Variants in GUCY1A2 observed in about 807,000 individuals in gnomAD.
GUCY1A2 encodes the protein guanylate cyclase 1 soluble subunit alpha 2.
GUCY1A2 carries 27 observed loss-of-function variants against 63.5 expected under a neutral mutation model. The ratio of observed to expected loss-of-function variants is 0.43; its 90% CI spans 0.31 to 0.59. The LOEUF is 0.59. Ranked by LOEUF, GUCY1A2 falls within the 20% of genes least tolerant of loss-of-function variation. The pLI, the probability that GUCY1A2 is intolerant of heterozygous loss-of-function variation, is 0.11. For synonymous variants in GUCY1A2, 364 were observed against 343.5 expected, an observed-to-expected ratio of 1.06 and a Z score of -0.66; for missense variants, 768 against 913.3, an observed-to-expected ratio of 0.84 and a Z score of 2.05.
At chr11:106,746,122 C>A (rs1339192955) in intron 6 of GUCY1A2, among the ~76,000 whole-genome samples, 1 of 151,762 alleles carries the variant, frequency 6.6e-6, no homozygotes, top group Non-Finnish European at 1.5e-5. Flanking sequence ...CCACTGGAAT[C>A]TGGGGAGCAT....
chr11:106,708,543 G>C lies in GUCY1A2; in HGVS notation c.1960C>G (p.Arg654Gly), dbSNP rs764594827. 1.1e-5 allele frequency: 17 copies of C among 1,612,572 alleles called. No individual in the cohort carries two copies. The highest frequency in any genetic ancestry group is 6.7e-5 in the East Asian group (3 of 44,772). The part of the protein sequence containing the change: ...ASKFESGSHP[R>G]RINVSPTTYQ... ...GTGGTTGGGCTGACATTGATGCGCC[G>C]AGGGTGACTTCCCGACTCGAATTTG... The change falls in exon 7 of 8, where the codon CGG becomes GGG. Residue 654 changes from arginine to glycine, a missense_variant. By Grantham distance (125) the Arg-to-Gly change is moderately radical. Transcript: ENST00000526355.
chr11:106,747,117 A>G (rs1863802714), intron 6 of GUCY1A2, among the ~76,000 whole-genome samples: 1 of 152,034 alleles, frequency 6.6e-6, no homozygotes, highest in Non-Finnish European at 1.5e-5. Flanking sequence ...CCTCCCAAAT[A>G]GCTCGGACTA....
chr11:107,007,403 G>A (rs1468483814), intron 1 of GUCY1A2, among the ~76,000 whole-genome samples: 1 of 152,020 alleles, frequency 6.6e-6, no homozygotes, highest in Non-Finnish European at 1.5e-5. Context: ...AAATGTCTTT[G>A]GATTATTGCA....
intron 4 of GUCY1A2, among the ~76,000 whole-genome samples, chr11:106,904,297 G>A (rs1355089088): frequency 1.3e-5 from 2 of 152,078 alleles, no homozygotes; most frequent in Non-Finnish European, 2.9e-5. Context: ...TACTGAAAGT[G>A]TTTATCATAA....
In GUCY1A2 at chr11:106,809,997, T is replaced by C. The variant is rs1858742947; in HGVS notation, c.1688A>G (p.Tyr563Cys). ...FDHQCGFLDI[Y>C]KVETIGDAYC... Reference sequence around the variant, plus strand: ...TAAGTAACTAAACTCCCTTACCTTATAAATATCCAAAAATCCACACTGGTG... The same window carrying C: ...TAAGTAACTAAACTCCCTTACCTTACAAATATCCAAAAATCCACACTGGTG... The change falls in exon 5 of 8, where the codon TAT becomes TGT. Residue 563 changes from tyrosine (Y) to cysteine (C), a missense_variant. This residue lies in a region of GUCY1A2 where 122 missense variants were observed against 238.1 expected (regional missense o/e 0.51). Coordinates refer to ENST00000526355, the MANE Select transcript of GUCY1A2 (RefSeq NM_000855.3). The C allele has an allele frequency of 6.3e-7, 1 of 1,595,166 alleles. No individual in the cohort carries two copies. The highest frequency in any genetic ancestry group is 1.7e-5 in the Admixed American group (1 of 59,638).
chr11:106,748,595 C>G (rs888472609), intron 6 of GUCY1A2, among the ~76,000 whole-genome samples: 1 of 152,144 alleles, frequency 6.6e-6, no homozygotes, highest in South Asian at 2.1e-4. Context: ...AAATCTAGAA[C>G]CATGGTACAC....
At chr11:106,718,348 A>G (rs1410833093) in intron 6 of GUCY1A2, among the ~76,000 whole-genome samples, 1 of 152,084 alleles carries the variant, frequency 6.6e-6, no homozygotes, top group East Asian at 1.9e-4. Context: ...TCTTGTTTAC[A>G]TTTTCTGATG....
At chr11:106,811,747 T>C (rs1858764665) in intron 4 of GUCY1A2, among the ~76,000 whole-genome samples, 1 of 152,104 alleles carries the variant, frequency 6.6e-6, no homozygotes, top group Non-Finnish European at 1.5e-5. Context: ...ATGTAAAATT[T>C]CTGCTAAAGT....
chr11:106,730,059 A>AATAT (rs60486225), intron 6 of GUCY1A2, among the ~76,000 whole-genome samples: 4,062 of 103,000 alleles, frequency 0.039, 84 homozygotes, highest in Non-Finnish European at 0.043. Context: ...ATCAGCATGG[A>AATAT]ATATATATAT....
At chr11:106,795,375 A>G (rs1864737396) in intron 5 of GUCY1A2, among the ~76,000 whole-genome samples, 1 of 152,208 alleles carries the variant, frequency 6.6e-6, no homozygotes, top group South Asian at 2.1e-4. Flanking sequence ...TGGTAAGGGA[A>G]AAAGAGAGAA....
At chr11:106,854,860 G>A (rs574393495) in intron 4 of GUCY1A2, among the ~76,000 whole-genome samples, 2 of 152,230 alleles carry the variant, frequency 1.3e-5, no homozygotes, top group South Asian at 4.1e-4. Context: ...AAGGCTCTGG[G>A]GAGTATCAGT....
At chr11:106,705,385 C>T (rs1274363635) in intron 7 of GUCY1A2, among the ~76,000 whole-genome samples, 1 of 152,112 alleles carries the variant, frequency 6.6e-6, no homozygotes, top group Non-Finnish European at 1.5e-5. Flanking sequence ...CCCATTCTTT[C>T]TTTGGAATTT....
intron 6 of GUCY1A2, among the ~76,000 whole-genome samples, chr11:106,735,948 C>T (rs1446780974): frequency 1.3e-5 from 2 of 152,058 alleles, no homozygotes; most frequent in Non-Finnish European, 2.9e-5. Flanking sequence ...AGTGTCTATT[C>T]AGATCTTTTA....
At chr11:106,826,287 T>A in intron 4 of GUCY1A2, 1 of 855,888 alleles carries the variant, frequency 1.2e-6, no homozygotes, top group Non-Finnish European at 1.8e-6. Context: ...CTTCTGTAAT[T>A]TTCAGTGTGG....
In GUCY1A2 at chr11:106,681,128, C is replaced by G. The variant is rs148896871; in HGVS notation, c.*6421G>C. On this transcript the variant is annotated 3_prime_UTR_variant, in exon 8 of 8. Transcript: ENST00000526355. Reference sequence around the variant, plus strand: ...AAATCTGAAAGCTTTAGTGTTTTTTCAGTATTACTGAATAATCATTTTCAG... The same window carrying G: ...AAATCTGAAAGCTTTAGTGTTTTTTGAGTATTACTGAATAATCATTTTCAG... 2.3e-4 allele frequency: 49 copies of G among 211,868 alleles called. 1 individual carries two copies. The highest frequency in any genetic ancestry group is 9.7e-4 in the African/African-American group (43 of 44,286). The allele number at this position is 211,868 out of a possible 1,614,324, so 13.1% of individuals were successfully genotyped here. A position where few individuals can be genotyped will look rare whatever the true frequency, so the allele number is the denominator to read the frequency against.
rs1864813215 is a variant in GUCY1A2, at chr11:106,798,715, C to T, written c.1692+11278G>A. On this transcript the variant is annotated intron_variant, in intron 5 of 7. Transcript: ENST00000526355. ...AAAGGCCTTTGACAAAATTCAACAG[C>T]CCTTCATGCTAAAAACTCTCAATAA... Among the ~76,000 whole-genome samples, 4 of 152,052 alleles carry T rather than the reference C, an allele frequency of 2.6e-5. No homozygotes were observed. In the South Asian group the frequency reaches 8.3e-4, roughly 32 times the overall value.
intron 4 of GUCY1A2, among the ~76,000 whole-genome samples, chr11:106,856,699 T>C (rs1285580610): frequency 6.6e-6 from 1 of 152,166 alleles, no homozygotes; most frequent in Non-Finnish European, 1.5e-5. Context: ...TTAATCTATG[T>C]CCCTGGGGTA....
In GUCY1A2 at chr11:106,684,395, A is replaced by G. The variant is rs189687995; in HGVS notation, c.*3154T>C. 31 of 192,108 alleles carry G rather than the reference A, an allele frequency of 1.6e-4. No homozygotes were observed. The East Asian group carries it at 2.5e-3, about 15-fold the overall frequency. 11.9% of individuals were successfully genotyped at this position (192,108 alleles called of 1,614,324 possible). A position where few individuals can be genotyped will look rare whatever the true frequency, so the allele number is the denominator to read the frequency against. On this transcript the variant is annotated 3_prime_UTR_variant, in exon 8 of 8. Coordinates refer to ENST00000526355, the MANE Select transcript of GUCY1A2 (RefSeq NM_000855.3). ...ATGTCTTCTTCCCCTTCTCTACGTT[A>G]TATAGACAAGAGATCCAACTACTAT...
At chr11:106,877,512 T>C (rs1859766453) in intron 4 of GUCY1A2, among the ~76,000 whole-genome samples, 1 of 151,986 alleles carries the variant, frequency 6.6e-6, no homozygotes, top group African/African-American at 2.4e-5. Context: ...CTATCTGACC[T>C]TCAACCAAGG....
Sources: allele counts gnomAD v4.1 joint callset (sites outside exome capture counted in the v4.1 genomes callset), GRCh38; gene constraint gnomAD v4.1.1; regional missense constraint gnomAD v4.1.1; transcripts MANE v1.5; gene names NCBI Gene and HGNC (gene_info 2026-07-23, HGNC 2026-07-21).